Variants in KRT6B observed in about 807,000 individuals in gnomAD.
KRT6B encodes the protein keratin 6B, also known as keratin, type II cytoskeletal 6B.
In KRT6B, 29 loss-of-function variants were observed where a neutral mutation model predicts 44.7. That is an observed-to-expected ratio of 0.65 (90% CI 0.48 to 0.88). The LOEUF is 0.88. Ranked by LOEUF, KRT6B falls within the 40% of genes least tolerant of loss-of-function variation. The pLI is 0.00. For missense variants in KRT6B, 600 were observed against 724.0 expected, an observed-to-expected ratio of 0.83 and a Z score of 1.97; for synonymous variants, 213 against 296.0, an observed-to-expected ratio of 0.72 and a Z score of 2.88.
At chr12:52,449,991 C>G (rs778224301) in intron 3 of KRT6B, 21 bp downstream of exon 3, 182 of 1,613,848 alleles carry the variant, frequency 1.1e-4, no homozygotes, top group Non-Finnish European at 1.5e-4. Flanking sequence ...TGAATTTGAA[C>G]CCCTGGCTTC....
Position 52,449,853 on chromosome 12 carries a change from C to T in KRT6B, c.817G>A (p.Asp273Asn), listed in dbSNP as rs1441780399. ...AENEFVTLKK[D>N]VDAAYMNKVE... The stretch of plus-strand genomic sequence containing the variant: ...TTGTTCATGTAGGCAGCATCCACAT[C>T]CTGGGGAAAGAGCCAACAACCTGGA... Residue 273 changes from aspartate (D) to asparagine (N), a missense_variant and splice_region_variant, in exon 4 of 9, where the codon GAT (aspartate) becomes AAT (asparagine). Transcript: ENST00000252252. 5.0e-6 allele frequency: 8 copies of T among 1,613,844 alleles called. No individual in the cohort carries two copies. The highest frequency in any genetic ancestry group is 5.9e-6 in the Non-Finnish European group (7 of 1,179,878).
intron 6 of KRT6B, 83 bp from the exon 7 acceptor site, chr12:52,448,081 A>G (rs1289176383): frequency 1.1e-5 from 18 of 1,572,366 alleles, no homozygotes; most frequent in Non-Finnish European, 1.5e-5. Flanking sequence ...TCCAGTGAAG[A>G]AGGCACCAGG....
rs1479959591 is a variant in KRT6B at position 52,447,335 on chromosome 12, T to C, written c.1550A>G (p.Tyr517Cys). The change falls in exon 9 of 9, where the codon TAT (tyrosine) becomes TGT (cysteine). Residue 517 changes from tyrosine (Y) to cysteine (C), a missense_variant. Physicochemically the swap from Tyr to Cys is radical, Grantham distance 194 (BLOSUM62 -2). This residue lies in a region of KRT6B where 479 missense variants were observed against 454.2 expected (regional missense o/e 1.05). Coordinates refer to ENST00000252252, the MANE Select transcript of KRT6B (RefSeq NM_005555.4). Reference protein sequence around the residue: ...LGLGGGSSYSYGSGLGVGGGF... With the variant: ...LGLGGGSSYSCGSGLGVGGGF... ...GCCTCCAACGCCAAGACCACTGCCA[T>C]AGGAGTAGCTGCTTCCTCCACCCAG... 6.2e-7 allele frequency: 1 copy of C among 1,613,980 alleles called. No individual in the cohort carries two copies. Among genetic ancestry groups the C allele is most frequent in the Non-Finnish European group, 8.5e-7 (1 of 1,179,884 alleles).
At chr12:52,448,792 G>T in intron 6 of KRT6B, 50 bp downstream of exon 6, 1 of 1,613,752 alleles carries the variant, frequency 6.2e-7, no homozygotes, top group Middle Eastern at 1.6e-4. Context: ...ACTGCCTCAT[G>T]ACCTAATAAA....
rs572718504 is a variant in KRT6B, at chr12:52,449,803, G to A, written c.867C>T (p.Asp289=). The A allele has an allele frequency of 9.3e-6, 15 of 1,613,874 alleles. No individual in the cohort carries two copies. In the South Asian group the frequency reaches 1.5e-4, roughly 17 times the overall value. The change falls in exon 4 of 9, where the codon GAC becomes GAT. Residue 289 remains aspartate, a synonymous_variant. Coordinates refer to ENST00000252252, the MANE Select transcript of KRT6B (RefSeq NM_005555.4). ...GGAAGTTGATCTCATCTGTAAGAGTGTCTGCCTTGGCTTGCAGTTCAACCT... is the reference window on the plus strand; with the variant it reads ...GGAAGTTGATCTCATCTGTAAGAGTATCTGCCTTGGCTTGCAGTTCAACCT... ...MNKVELQAKA[D]TLTDEINFLR... is the part of the protein sequence containing the mutation.
rs145344532 is a variant in KRT6B, at chr12:52,449,842, A to C, written c.828T>G (p.Ala276=). The part of the protein sequence containing the change: ...EFVTLKKDVD[A]AYMNKVELQA... ...GCAGTTCAACCTTGTTCATGTAGGCAGCATCCACATCCTGGGGAAAGAGCC... is the reference window on the plus strand; with the variant it reads ...GCAGTTCAACCTTGTTCATGTAGGCCGCATCCACATCCTGGGGAAAGAGCC... Residue 276 remains alanine, a synonymous_variant, in exon 4 of 9, where the codon GCT becomes GCG. Transcript: ENST00000252252. 4.8e-4 allele frequency: 769 copies of C among 1,613,990 alleles called. 3 individuals are homozygous for C. The African/African-American group carries it at 7.8e-3, about 16-fold the overall frequency.
Position 52,451,983 on chromosome 12 carries a change from G to T in KRT6B, c.96C>A (p.Gly32=). 1.9e-6 allele frequency: 3 copies of T among 1,613,756 alleles called. No individual in the cohort carries two copies. In the South Asian group the frequency reaches 3.3e-5, roughly 18 times the overall value. The part of the protein sequence containing the change: ...SARLPGVSRS[G]FSSISVSRSR... ...AGCGGGACACGGAGATGCTGCTGAA[G>T]CCAGAGCGGCTGACCCCAGGGAGCC... Residue 32 remains glycine (G), a synonymous_variant, in exon 1 of 9, where the codon GGC becomes GGA. Transcript: ENST00000252252.
At position 52,447,061 on chromosome 12, in the gene KRT6B, G is replaced by C. The variant is rs1325509851; in HGVS notation, c.*129C>G. ...CAGGTATTGATGAGAAGAAAAGTGA[G>C]GGCATCCCAGCTCTACCCGGGAGGG... On this transcript the variant is annotated 3_prime_UTR_variant, in exon 9 of 9. Transcript: ENST00000252252. 2.0e-5 allele frequency: 23 copies of C among 1,164,600 alleles called. No individual in the cohort carries two copies. Among genetic ancestry groups the C allele is most frequent in the Non-Finnish European group, 2.8e-5 (23 of 819,560 alleles). The allele number at this position is 1,164,600 out of a possible 1,614,324, so 72.1% of individuals were successfully genotyped here. A position where few individuals can be genotyped will look rare whatever the true frequency, so the allele number is the denominator to read the frequency against.
In KRT6B at chr12:52,447,551, G is replaced by C; in HGVS notation, c.1447C>G (p.Gln483Glu). 1 of 1,614,040 alleles carries C rather than the reference G, an allele frequency of 6.2e-7. No homozygotes were observed. Among genetic ancestry groups the C allele is most frequent in the Non-Finnish European group, 8.5e-7 (1 of 1,179,886 alleles). The change falls in exon 8 of 9, where the codon CAA becomes GAA. Residue 483 changes from glutamine (Q) to glutamate (E), a missense_variant. Transcript: ENST00000252252. Reference sequence around the variant, plus strand: ...CAAAGGTACTTACAGATGTTGACTTGTCCAACGCCTTCGCCATTCAGCCTG... The same window carrying C: ...CAAAGGTACTTACAGATGTTGACTTCTCCAACGCCTTCGCCATTCAGCCTG... ...ECRLNGEGVG[Q>E]VNISVVQSTV...
chr12:52,451,018 T>A (rs962472403), intron 1 of KRT6B, among the ~76,000 whole-genome samples: 2 of 152,234 alleles, frequency 1.3e-5, no homozygotes, highest in African/African-American at 4.8e-5. Context: ...TTCAGTCTAC[T>A]TTCCCATTTA....
intron 5 of KRT6B, 149 bp downstream of exon 5, chr12:52,449,320 C>A (rs58446634): frequency 1.4e-5 from 19 of 1,319,502 alleles, no homozygotes; most frequent in Non-Finnish European, 6.5e-6. Context: ...GCATAAGTTC[C>A]GCAAATGTCT....
rs566643583 is a variant in KRT6B at position 52,450,701 on chromosome 12, G to C, written c.541-81C>G. ...TGGTATCCAGTTTCCTGGAGGTCTG[G>C]GAGGTCCCCATGGTGCTGGGCTACT... On this transcript the variant is annotated intron_variant, in intron 1 of 8. Transcript: ENST00000252252. The C allele has an allele frequency of 1.3e-4, 216 of 1,603,830 alleles. 1 individual carries two copies. The highest frequency in any genetic ancestry group is 1.6e-4 in the Non-Finnish European group (188 of 1,173,136).
chr12:52,447,314 C>T lies in KRT6B; in HGVS notation c.1571G>A (p.Gly524Glu), dbSNP rs141150690. ...SYSYGSGLGV[G>E]GGFSSSSGRA... ...GCCGCTGCTGGAACTAAAGCCGCCT[C>T]CAACGCCAAGACCACTGCCATAGGA... Residue 524 changes from glycine (G) to glutamate (E), a missense_variant, in exon 9 of 9, where the codon GGA becomes GAA. This residue lies in a region of KRT6B where 479 missense variants were observed against 454.2 expected (regional missense o/e 1.05). Coordinates refer to ENST00000252252, the MANE Select transcript of KRT6B (RefSeq NM_005555.4). 1.2e-6 allele frequency: 2 copies of T among 1,613,938 alleles called. No homozygotes were observed. The highest frequency in any genetic ancestry group is 2.7e-5 in the African/African-American group (2 of 74,938).
chr12:52,452,124 G>A lies in KRT6B; in HGVS notation c.-46C>T, dbSNP rs1406294894. ...CTTAGGAGAGTGTGAGAGGCTGGAG[G>A]CGAGAGGGAGGAGAAGCAGGACGAG... On this transcript the variant is annotated 5_prime_UTR_variant, in exon 1 of 9. Coordinates refer to ENST00000252252, the MANE Select transcript of KRT6B (RefSeq NM_005555.4). 1 of 1,613,766 alleles carries A rather than the reference G, an allele frequency of 6.2e-7. No individual in the cohort carries two copies. Among genetic ancestry groups the A allele is most frequent in the Non-Finnish European group, 8.5e-7 (1 of 1,179,858 alleles).
chr12:52,448,541 T>C (rs1019591860), intron 6 of KRT6B, among the ~76,000 whole-genome samples: 4 of 152,186 alleles, frequency 2.6e-5, no homozygotes, highest in Non-Finnish European at 5.9e-5. Flanking sequence ...CTTGCCCAAC[T>C]TGGTCCTTTG....
intron 6 of KRT6B, among the ~76,000 whole-genome samples, chr12:52,448,298 C>A (rs1469063977): frequency 6.6e-6 from 1 of 152,148 alleles, no homozygotes; most frequent in Non-Finnish European, 1.5e-5. Flanking sequence ...AGCAAAAAAA[C>A]CAAAACCATT....
Position 52,447,054 on chromosome 12 carries a change from A to G in KRT6B, c.*136T>C. The G allele has an allele frequency of 1.8e-6, 2 of 1,098,546 alleles. No individual in the cohort carries two copies. Among genetic ancestry groups the G allele is most frequent in the Non-Finnish European group, 2.6e-6 (2 of 763,834 alleles). 68.0% of individuals were successfully genotyped at this position (1,098,546 alleles called of 1,614,324 possible). ...AGTGGAACAGGTATTGATGAGAAGA[A>G]AAGTGAGGGCATCCCAGCTCTACCC... On this transcript the variant is annotated 3_prime_UTR_variant, in exon 9 of 9. Coordinates refer to ENST00000252252, the MANE Select transcript of KRT6B (RefSeq NM_005555.4).
rs372179759 is a variant in KRT6B at position 52,452,004 on chromosome 12, G to A, written c.75C>T (p.Leu25=). ...RRGFSANSAR[L]PGVSRSGFSS... Reference sequence around the variant, plus strand: ...TGAAGCCAGAGCGGCTGACCCCAGGGAGCCTGGCTGAGTTGGCACTGAAAC... The same window carrying A: ...TGAAGCCAGAGCGGCTGACCCCAGGAAGCCTGGCTGAGTTGGCACTGAAAC... Residue 25 remains leucine (L), a synonymous_variant, in exon 1 of 9, where the codon CTC becomes CTT. Coordinates refer to ENST00000252252, the MANE Select transcript of KRT6B (RefSeq NM_005555.4). 8.7e-6 allele frequency: 14 copies of A among 1,613,824 alleles called. No individual in the cohort carries two copies. Among genetic ancestry groups the A allele is most frequent in the Non-Finnish European group, 1.2e-5 (14 of 1,179,884 alleles).
At chr12:52,448,106 G>T in intron 6 of KRT6B, 108 bp from the exon 7 acceptor site, 2 of 1,387,394 alleles carry the variant, frequency 1.4e-6, no homozygotes, top group Non-Finnish European at 2.0e-6. Context: ...CAGAACTGAT[G>T]GTAAATGAGC....
Sources: gnomAD v4.1 joint callset for allele counts (sites outside exome capture counted in the v4.1 genomes callset) on GRCh38, gnomAD v4.1.1 for gene constraint, gnomAD v4.1.1 regional missense constraint, MANE v1.5 for transcripts, NCBI Gene and HGNC (gene_info 2026-07-23, HGNC 2026-07-21) for gene names.